The following HS6ST3 variants were observed in gnomAD, a reference collection of about 807,000 sequenced individuals.
HS6ST3 encodes heparan-sulfate 6-O-sulfotransferase 3.
A neutral mutation model predicts 36.7 loss-of-function variants in HS6ST3; 12 were observed. That is an observed-to-expected ratio of 0.33 (90% CI 0.21 to 0.53). The LOEUF (loss-of-function observed/expected upper bound fraction) is 0.53. Among genes scored for constraint, HS6ST3 ranks in the 20% least tolerant of loss-of-function variants. HS6ST3 has a pLI of 0.95. For synonymous variants in HS6ST3, 240 were observed against 257.5 expected (o/e 0.93, Z 0.65); for missense variants, 584 against 640.9 (o/e 0.91, Z 0.96).
intron 1 of HS6ST3, among the ~76,000 whole-genome samples, chr13:96,193,034 T>G (rs1285178411): frequency 6.6e-6 from 1 of 152,170 alleles, no homozygotes; most frequent in Non-Finnish European, 1.5e-5. Context: ...ATTGCAGAGC[T>G]GCCAAGTCCA....
chr13:96,305,784 A>G (rs764900774), intron 1 of HS6ST3, among the ~76,000 whole-genome samples: 4 of 151,508 alleles, frequency 2.6e-5, no homozygotes, highest in Admixed American at 1.3e-4. Flanking sequence ...TTCAAGATCA[A>G]TTTGTTACTT....
chr13:96,394,296 A>ATT (rs147050572), intron 1 of HS6ST3, among the ~76,000 whole-genome samples: 3,739 of 147,246 alleles, frequency 0.025, 186 homozygotes, highest in African/African-American at 0.086. Flanking sequence ...AGCTTCCCCC[A>ATT]TTTTTGTATC....
chr13:96,824,258 G>A (rs1323161391), intron 1 of HS6ST3, among the ~76,000 whole-genome samples: 3 of 152,222 alleles, frequency 2.0e-5, no homozygotes, highest in Non-Finnish European at 2.9e-5. Flanking sequence ...GGTGCCGTGC[G>A]ACGCACATGG....
chr13:96,160,897 G>T (rs1429714068), intron 1 of HS6ST3, among the ~76,000 whole-genome samples: 1 of 152,164 alleles, frequency 6.6e-6, no homozygotes, highest in African/African-American at 2.4e-5. Flanking sequence ...ACAAAGGGAG[G>T]TGGTACTTGA....
chr13:96,494,658 AAC>A (rs537636727), intron 1 of HS6ST3, among the ~76,000 whole-genome samples: 15 of 150,648 alleles, frequency 1.0e-4, no homozygotes, highest in Admixed American at 1.3e-4. Flanking sequence ...CCTGTTTCAA[AAC>A]ACACACACAC....
chr13:96,554,795 G>A (rs963172289), intron 1 of HS6ST3, among the ~76,000 whole-genome samples: 3 of 151,964 alleles, frequency 2.0e-5, no homozygotes, highest in African/African-American at 7.2e-5. Context: ...ATGGCCAGGC[G>A]CAGTGGCTCA....
chr13:96,269,476 C>G (rs992829695), intron 1 of HS6ST3, among the ~76,000 whole-genome samples: 1 of 151,942 alleles, frequency 6.6e-6, no homozygotes, highest in Non-Finnish European at 1.5e-5. Flanking sequence ...GCTTGTTAAC[C>G]TAGAGACAAG....
chr13:96,809,151 A>C (rs955601093), intron 1 of HS6ST3, among the ~76,000 whole-genome samples: 8 of 152,216 alleles, frequency 5.3e-5, no homozygotes, highest in African/African-American at 1.9e-4. Context: ...ACTGAAGTTC[A>C]TCATGTTTGA....
chr13:96,466,119 A>G (rs1275727752), intron 1 of HS6ST3, among the ~76,000 whole-genome samples: 2 of 151,992 alleles, frequency 1.3e-5, no homozygotes, highest in Non-Finnish European at 2.9e-5. Context: ...TGTCTCTACT[A>G]AAAATACAAA....
chr13:96,265,928 T>C (rs1011152727), intron 1 of HS6ST3, among the ~76,000 whole-genome samples: 43 of 152,206 alleles, frequency 2.8e-4, no homozygotes, highest in African/African-American at 9.9e-4. Flanking sequence ...CTTCACTTCG[T>C]TGTGGCTTTT....
At chr13:96,464,244 C>A (rs557951960) in intron 1 of HS6ST3, among the ~76,000 whole-genome samples, 41 of 151,112 alleles carry the variant, frequency 2.7e-4, no homozygotes, top group Admixed American at 8.0e-4. Flanking sequence ...TCCTTACCCC[C>A]CTACCCAGTT....
chr13:96,573,159 T>C (rs1427416473), intron 1 of HS6ST3, among the ~76,000 whole-genome samples: 2 of 152,226 alleles, frequency 1.3e-5, no homozygotes, highest in African/African-American at 4.8e-5. Context: ...ACTTGGCTGG[T>C]AGACATTAAG....
At chr13:96,574,799 A>G (rs570341369) in intron 1 of HS6ST3, among the ~76,000 whole-genome samples, 1 of 152,170 alleles carries the variant, frequency 6.6e-6, no homozygotes, top group East Asian at 1.9e-4. Flanking sequence ...CTTGTCTGGT[A>G]TTTGCCACAT....
chr13:96,110,249 G>C (rs1430251174), intron 1 of HS6ST3, among the ~76,000 whole-genome samples: 5 of 152,004 alleles, frequency 3.3e-5, no homozygotes, highest in Non-Finnish European at 2.9e-5. Context: ...GCAAGAGAAA[G>C]AGGAGGAGGT....
chr13:96,751,608 A>G (rs1457436999), intron 1 of HS6ST3, among the ~76,000 whole-genome samples: 1 of 152,192 alleles, frequency 6.6e-6, no homozygotes, highest in Non-Finnish European at 1.5e-5. Context: ...AGGAATTTAT[A>G]TAAATGAATA....
At chr13:96,418,139 G>T (rs1440737535) in intron 1 of HS6ST3, among the ~76,000 whole-genome samples, 1 of 152,088 alleles carries the variant, frequency 6.6e-6, no homozygotes, top group Non-Finnish European at 1.5e-5. Flanking sequence ...TTTAGATAGT[G>T]AAATCACCAA....
chr13:96,787,441 GT>G (rs1161619837), intron 1 of HS6ST3, among the ~76,000 whole-genome samples: 1 of 151,898 alleles, frequency 6.6e-6, no homozygotes, highest in Non-Finnish European at 1.5e-5. Context: ...GTTTATATAT[GT>G]ATGTATATAT....
chr13:96,381,144 T>C (rs988334079), intron 1 of HS6ST3, among the ~76,000 whole-genome samples: 4 of 152,248 alleles, frequency 2.6e-5, no homozygotes, highest in Non-Finnish European at 5.9e-5. Context: ...TGTGTGCTGC[T>C]CTTCCTTATC....
At chr13:96,312,011 T>TA (rs556577406) in intron 1 of HS6ST3, among the ~76,000 whole-genome samples, 166 of 152,300 alleles carry the variant, frequency 1.1e-3, no homozygotes, top group Non-Finnish European at 1.8e-3. Context: ...CAAATATTTC[T>TA]AACTGATACA....
Sources: allele counts gnomAD v4.1 joint callset (sites outside exome capture counted in the v4.1 genomes callset), GRCh38; gene constraint gnomAD v4.1.1; transcripts MANE v1.5; gene names NCBI Gene and HGNC (gene_info 2026-07-23, HGNC 2026-07-21).